Variants in NCAM2 observed in about 807,000 individuals in gnomAD.
NCAM2 encodes the protein neural cell adhesion molecule 2, also known as N-CAM-2.
Under a neutral mutation model 98.1 loss-of-function variants are expected in NCAM2, and 30 were observed. That is an observed-to-expected ratio of 0.31 (90% CI 0.23 to 0.41). The LOEUF (loss-of-function observed/expected upper bound fraction) is 0.41. Among genes scored for constraint, NCAM2 ranks in the 10% least tolerant of loss-of-function variants. The pLI is 1.00. For missense variants in NCAM2, 867 were observed against 1,005.8 expected (o/e 0.86, Z 1.87); for synonymous variants, 368 against 342.4 (o/e 1.07, Z -0.83).
chr21:21,114,572 A>T (rs1037435506), intron 1 of NCAM2, among the ~76,000 whole-genome samples: 2 of 152,194 alleles, frequency 1.3e-5, no homozygotes, highest in Admixed American at 1.3e-4. Flanking sequence ...CTGTTTCTTA[A>T]GTCTAAAGAG....
intron 1 of NCAM2, among the ~76,000 whole-genome samples, chr21:21,135,734 TC>T (rs2067036539): frequency 6.6e-6 from 1 of 152,160 alleles, no homozygotes; most frequent in South Asian, 2.1e-4. Flanking sequence ...CAAATTCAAC[TC>T]CTAGGAACCA....
chr21:21,230,601 T>G (rs2070582908), intron 1 of NCAM2, among the ~76,000 whole-genome samples: 2 of 151,426 alleles, frequency 1.3e-5, no homozygotes, highest in South Asian at 2.1e-4. Context: ...CGATGAAAAA[T>G]ATCAAGTCTG....
At chr21:21,468,817 G>GT (rs1383310571) in intron 14 of NCAM2, 34 bp downstream of exon 14, 3 of 1,573,418 alleles carry the variant, frequency 1.9e-6, no homozygotes, top group Non-Finnish European at 2.6e-6. Context: ...ATCATGCTAG[G>GT]TTTTTTCAAA....
At chr21:21,040,715 T>C (rs535625516) in intron 1 of NCAM2, among the ~76,000 whole-genome samples, 1 of 152,138 alleles carries the variant, frequency 6.6e-6, no homozygotes, top group Non-Finnish European at 1.5e-5. Flanking sequence ...CTCATTCATA[T>C]ATGGAAGCTA....
chr21:21,298,329 C>T (rs776010204), intron 5 of NCAM2, among the ~76,000 whole-genome samples: 9 of 151,384 alleles, frequency 5.9e-5, no homozygotes, highest in Admixed American at 4.6e-4. Flanking sequence ...TTAATGAGTG[C>T]AAATTATGAG....
At chr21:21,326,046 C>G (rs963101258) in intron 6 of NCAM2, among the ~76,000 whole-genome samples, 1 of 152,098 alleles carries the variant, frequency 6.6e-6, no homozygotes, top group Non-Finnish European at 1.5e-5. Context: ...GTAAACTGTT[C>G]TGTGTAAAGG....
chr21:21,454,249 ATTC>A (rs1314930762), intron 12 of NCAM2, among the ~76,000 whole-genome samples: 1 of 151,914 alleles, frequency 6.6e-6, no homozygotes, highest in Non-Finnish European at 1.5e-5. Context: ...AATCACAAAA[ATTC>A]TTCCCTAATT....
At chr21:21,078,413 A>G (rs1223635364) in intron 1 of NCAM2, among the ~76,000 whole-genome samples, 1 of 152,236 alleles carries the variant, frequency 6.6e-6, no homozygotes, top group Non-Finnish European at 1.5e-5. Flanking sequence ...CTTTGGCTGT[A>G]GAATGAAACA....
chr21:21,392,516 G>A (rs1460272930), intron 9 of NCAM2, among the ~76,000 whole-genome samples: 1 of 152,172 alleles, frequency 6.6e-6, no homozygotes, highest in African/African-American at 2.4e-5. Context: ...AGGTTTTGAA[G>A]AATCCCCACA....
At chr21:21,251,198 A>T (rs1031435685) in intron 1 of NCAM2, among the ~76,000 whole-genome samples, 1 of 152,190 alleles carries the variant, frequency 6.6e-6, no homozygotes, top group Non-Finnish European at 1.5e-5. Context: ...ATACATGTGC[A>T]GAATGTGCAG....
chr21:21,338,571 A>G (rs1461994707), intron 8 of NCAM2, 37 bp downstream of exon 8: 2 of 1,504,066 alleles, frequency 1.3e-6, no homozygotes, highest in Non-Finnish European at 8.9e-7. Context: ...TTCCATTACC[A>G]TGCAATTTCA....
rs3827164 is a variant in NCAM2, at chr21:21,428,254, A to G, written c.1481-3854A>G. On this transcript the variant is annotated intron_variant, in intron 11 of 17. Coordinates refer to ENST00000400546, the MANE Select transcript of NCAM2 (RefSeq NM_004540.5). ...ACACTAGAAAATAGTTTAGAAAAAT[A>G]TGGTAACAATGAAGGAATAATAGTG... Among the ~76,000 whole-genome samples, 153 of 152,316 alleles carry G rather than the reference A, an allele frequency of 1.0e-3. 3 individuals carry two copies. The East Asian group carries it at 0.026, about 26-fold the overall frequency.
At position 21,479,583 on chromosome 21, in the gene NCAM2, C is replaced by CAAAAAAAAAAAAAAAAAAAAAA. The variant is rs1156588500; in HGVS notation, c.2077+2116_2077+2137dup. ...TGGGAGACAGAGCGAGACTGCGTCT[C>CAAAAAAAAAAAAAAAAAAAAAA]AAAAAAAAAAAAAAAAAAAAAAAAA... On this transcript the variant is annotated intron_variant, in intron 15 of 17. Transcript: ENST00000400546. 1.5e-3 allele frequency among the ~76,000 whole-genome samples: 45 copies of CAAAAAAAAAAAAAAAAAAAAAA among 30,964 alleles called. 2 individuals carry two copies. Among genetic ancestry groups the CAAAAAAAAAAAAAAAAAAAAAA allele is most frequent in the Non-Finnish European group, 1.9e-3 (29 of 14,882 alleles). The allele number at this position is 30,964 out of a possible 152,430, so 20.3% of individuals were successfully genotyped here. A position where few individuals can be genotyped will look rare whatever the true frequency, so the allele number is the denominator to read the frequency against.
intron 1 of NCAM2, among the ~76,000 whole-genome samples, chr21:21,159,140 T>C (rs1245477589): frequency 1.3e-5 from 2 of 152,010 alleles, no homozygotes; most frequent in Non-Finnish European, 2.9e-5. Flanking sequence ...AAATAAAAAA[T>C]TGAAAGTAGA....
intron 8 of NCAM2, among the ~76,000 whole-genome samples, chr21:21,370,673 C>G (rs532706852): frequency 1.3e-5 from 2 of 151,824 alleles, no homozygotes; most frequent in Admixed American, 6.6e-5. Flanking sequence ...AATAATCAAA[C>G]ATGAACTCCA....
At chr21:21,452,764 TGTATTAAA>T (rs369709760) in intron 12 of NCAM2, among the ~76,000 whole-genome samples, 13,698 of 106,934 alleles carry the variant, frequency 0.13, 982 homozygotes, top group East Asian at 0.14. Context: ...TATTACTTTA[TGTATTAAA>T]ATATAGTATT....
At chr21:21,349,928 A>G (rs191972139) in intron 8 of NCAM2, among the ~76,000 whole-genome samples, 1 of 152,310 alleles carries the variant, frequency 6.6e-6, no homozygotes, top group East Asian at 1.9e-4. Flanking sequence ...GATGGGAAGT[A>G]TAGTGAGGTG....
At chr21:21,038,932 G>A (rs528538510) in intron 1 of NCAM2, among the ~76,000 whole-genome samples, 12 of 152,168 alleles carry the variant, frequency 7.9e-5, no homozygotes, top group African/African-American at 2.9e-4. Context: ...TATAATCTTA[G>A]AATTGTAACC....
chr21:21,284,022 C>T (rs2073015335), intron 2 of NCAM2, among the ~76,000 whole-genome samples, 172 bp from the exon 3 acceptor site: 1 of 151,918 alleles, frequency 6.6e-6, no homozygotes, highest in African/African-American at 2.4e-5. Context: ...CAAAGGTGAA[C>T]ATTTGCACTA....
Sources: allele counts gnomAD v4.1 joint callset (sites outside exome capture counted in the v4.1 genomes callset), GRCh38; gene constraint gnomAD v4.1.1; transcripts MANE v1.5; gene names NCBI Gene and HGNC (gene_info 2026-07-23, HGNC 2026-07-21).